Variants in AUTS2 observed in about 807,000 individuals in gnomAD.
AUTS2 encodes the protein activator of transcription and developmental regulator AUTS2.
A neutral mutation model predicts 112.4 loss-of-function variants in AUTS2; 17 were observed. The ratio of observed to expected loss-of-function variants is 0.15; its 90% CI spans 0.10 to 0.23. AUTS2 has a LOEUF of 0.23. Ranked by LOEUF, AUTS2 falls within the 10% of genes least tolerant of loss-of-function variation. AUTS2 has a pLI of 1.00. For missense variants in AUTS2, 1,510 were observed against 1,701.6 expected (o/e 0.89, Z 1.98); for synonymous variants, 751 against 702.7 (o/e 1.07, Z -1.09).
intron 5 of AUTS2, among the ~76,000 whole-genome samples, chr7:70,645,655 C>A (rs1806120489): frequency 1.3e-5 from 2 of 152,168 alleles, no homozygotes; most frequent in Non-Finnish European, 2.9e-5. Flanking sequence ...CCTTTGGCTT[C>A]TGACAGCGCA....
rs748832261 is a variant in AUTS2 at position 69,671,486 on chromosome 7, G to GTGTGTGTGTGT, written c.309+71524_309+71525insTGTGTGTGTGT. Among the ~76,000 whole-genome samples, 427 of 138,602 alleles carry GTGTGTGTGTGT rather than the reference G, an allele frequency of 3.1e-3. 4 individuals are homozygous for GTGTGTGTGTGT. The highest frequency in any genetic ancestry group is 4.2e-3 in the Non-Finnish European group (268 of 64,002). 90.9% of individuals were successfully genotyped at this position (138,602 alleles called of 152,430 possible). A position where few individuals can be genotyped will look rare whatever the true frequency, so the allele number is the denominator to read the frequency against. On this transcript the variant is annotated intron_variant, in intron 1 of 18. Coordinates refer to ENST00000342771, the MANE Select transcript of AUTS2 (RefSeq NM_015570.4). Reference sequence around the variant, plus strand: ...AAATGTTTTGGCTGCTGCTGCTGCTGGTGTGTGTGTGTGTGTGTGTGTGTG... The same window carrying GTGTGTGTGTGT: ...AAATGTTTTGGCTGCTGCTGCTGCTGTGTGTGTGTGTGTGTGTGTGTGTGTGTGTGTGTGTG...
intron 1 of AUTS2, among the ~76,000 whole-genome samples, chr7:69,614,336 C>CTTTCTTTCTTTCTTTCTTTTCTTTCT (rs1278064910): frequency 8.4e-5 from 4 of 47,396 alleles, no homozygotes; most frequent in Non-Finnish European, 2.0e-4. Flanking sequence ...TTCTTTCTTT[C>CTTTCTTTCTTTCTTTCTTTTCTTTCT]TTTCTTTCTT....
chr7:70,019,785 G>A (rs576855260), intron 2 of AUTS2, among the ~76,000 whole-genome samples: 56 of 152,254 alleles, frequency 3.7e-4, no homozygotes, highest in African/African-American at 1.3e-3. Flanking sequence ...ATCTAATATT[G>A]TGGTCATTAT....
intron 2 of AUTS2, among the ~76,000 whole-genome samples, chr7:70,105,214 A>T (rs74353394): frequency 1.3e-5 from 2 of 151,328 alleles, no homozygotes; most frequent in Non-Finnish European, 2.9e-5. Flanking sequence ...AATTTATAGC[A>T]TTTTTTTTAA....
intron 1 of AUTS2, among the ~76,000 whole-genome samples, chr7:69,884,357 A>G (rs923505582): frequency 6.6e-6 from 1 of 152,246 alleles, no homozygotes; most frequent in African/African-American, 2.4e-5. Context: ...TTCTCAAATC[A>G]GACATCCCTA....
intron 5 of AUTS2, among the ~76,000 whole-genome samples, chr7:70,642,067 G>C (rs965571361): frequency 6.6e-6 from 1 of 152,198 alleles, no homozygotes; most frequent in East Asian, 1.9e-4. Context: ...GTGCATGTAA[G>C]TTCTAATTTC....
chr7:70,535,830 C>T (rs553151059), intron 5 of AUTS2, among the ~76,000 whole-genome samples: 7 of 152,258 alleles, frequency 4.6e-5, no homozygotes, highest in African/African-American at 7.2e-5. Flanking sequence ...ACATGCAGAG[C>T]GTTACTGCCT....
chr7:70,440,064 A>G (rs554346372), intron 5 of AUTS2, among the ~76,000 whole-genome samples: 5 of 152,112 alleles, frequency 3.3e-5, no homozygotes, highest in African/African-American at 7.2e-5. Flanking sequence ...ACAGCTCTAC[A>G]TATAGTCCTG....
intron 5 of AUTS2, among the ~76,000 whole-genome samples, chr7:70,581,153 C>T (rs986726007): frequency 2.0e-5 from 3 of 152,168 alleles, no homozygotes; most frequent in South Asian, 4.2e-4. Context: ...GAGGCCGAGG[C>T]GGGCAGATCA....
intron 18 of AUTS2, among the ~76,000 whole-genome samples, chr7:70,788,867 C>T (rs1748605477): frequency 1.3e-5 from 2 of 152,198 alleles, no homozygotes; most frequent in Admixed American, 1.3e-4. Context: ...GTAAGACCTG[C>T]CTGGTCTTAG....
chr7:69,704,890 A>G (rs901441488), intron 1 of AUTS2, among the ~76,000 whole-genome samples: 3 of 151,932 alleles, frequency 2.0e-5, no homozygotes, highest in East Asian at 3.9e-4. Flanking sequence ...TTTTTGAGGC[A>G]GGGTCTTGTT....
chr7:70,790,794 A>C lies in AUTS2; in HGVS notation c.3578A>C (p.His1193Pro). 1 of 1,609,712 alleles carries C rather than the reference A, an allele frequency of 6.2e-7. No homozygotes were observed. The highest frequency in any genetic ancestry group is 8.5e-7 in the Non-Finnish European group (1 of 1,178,004). ...ATCACCCCGGGACTCCCCAGCATGC[A>C]CTATCCCCGCATCAGCCCCACCGCG... ...SLITPGLPSM[H>P]YPRISPTAGN... The change falls in exon 19 of 19, where the codon CAC becomes CCC. Residue 1193 changes from histidine to proline, a missense_variant. Physicochemically the swap from His to Pro is moderately conservative, Grantham distance 77 (BLOSUM62 -2). Around this residue, in one of 3 missense-constraint regions of AUTS2, gnomAD observed 788 missense variants for 797.6 expected, o/e 0.99. Transcript: ENST00000342771. This position sits in a 1 kb window ranked among gnomAD's most constrained non-coding sequence, Gnocchi z 7.6.
intron 1 of AUTS2, among the ~76,000 whole-genome samples, chr7:69,711,107 A>G (rs1329835475): frequency 6.6e-6 from 1 of 152,212 alleles, no homozygotes; most frequent in Non-Finnish European, 1.5e-5. Flanking sequence ...GCAGATAGAA[A>G]TCAGTATTTA....
intron 1 of AUTS2, among the ~76,000 whole-genome samples, chr7:69,841,652 C>T (rs921907096): frequency 1.3e-5 from 2 of 152,192 alleles, no homozygotes; most frequent in Non-Finnish European, 2.9e-5. Context: ...AAGCCAGTGT[C>T]GTGAAACAAA....
intron 2 of AUTS2, among the ~76,000 whole-genome samples, chr7:69,993,216 G>T (rs1798810079): frequency 6.6e-6 from 1 of 152,144 alleles, no homozygotes; most frequent in Non-Finnish European, 1.5e-5. Context: ...CAACAATCTT[G>T]CAGCTTCCAC....
At chr7:70,485,299 C>T (rs889891959) in intron 5 of AUTS2, among the ~76,000 whole-genome samples, 1 of 152,132 alleles carries the variant, frequency 6.6e-6, no homozygotes, top group Non-Finnish European at 1.5e-5. Context: ...ACTACTCAGC[C>T]ATGAAACAAT....
intron 5 of AUTS2, among the ~76,000 whole-genome samples, chr7:70,544,600 GTC>G (rs1800692728): frequency 6.6e-6 from 1 of 152,142 alleles, no homozygotes; most frequent in South Asian, 2.1e-4. Flanking sequence ...AAAGCTAAGT[GTC>G]TTTCTCAAAA....
chr7:69,990,044 TGGTTGG>T, intron 2 of AUTS2, among the ~76,000 whole-genome samples: 1 of 152,274 alleles, frequency 6.6e-6, no homozygotes, highest in East Asian at 1.9e-4. Context: ...GATGCCAAAA[TGGTTGG>T]GGACCGCTGA....
At chr7:70,411,950 T>C (rs1786481669) in intron 4 of AUTS2, among the ~76,000 whole-genome samples, 2 of 147,314 alleles carry the variant, frequency 1.4e-5, no homozygotes, top group South Asian at 2.2e-4. Context: ...ACAGTCTTGC[T>C]CTGTGAGCGA....
Sources: allele counts gnomAD v4.1 joint callset (sites outside exome capture counted in the v4.1 genomes callset), GRCh38; gene constraint gnomAD v4.1.1; regional missense constraint gnomAD v4.1.1; non-coding constraint Gnocchi (gnomAD v3.1); transcripts MANE v1.5; gene names NCBI Gene and HGNC (gene_info 2026-07-23, HGNC 2026-07-21).